The following DGKI variants were observed in gnomAD, a reference collection of about 807,000 sequenced individuals.
DGKI encodes DAG kinase iota.
Under a neutral mutation model 147.5 loss-of-function variants are expected in DGKI, and 55 were observed. The ratio of observed to expected loss-of-function variants is 0.37; its 90% CI spans 0.30 to 0.47. The LOEUF is 0.47. Among genes scored for constraint, DGKI ranks in the 20% least tolerant of loss-of-function variants. DGKI has a pLI of 1.00. For missense variants in DGKI, 1,007 were observed against 1,323.8 expected, an observed-to-expected ratio of 0.76 and a Z score of 3.71; for synonymous variants, 469 against 477.1, an observed-to-expected ratio of 0.98 and a Z score of 0.22.
rs1813538179 is a variant in DGKI, at chr7:137,442,230, A to G, written c.2761+1847T>C. Among the ~76,000 whole-genome samples the G allele has an allele frequency of 2.0e-5, 3 of 152,286 alleles. No individual in the cohort carries two copies. In the South Asian group the frequency reaches 6.2e-4, roughly 32 times the overall value. The stretch of plus-strand genomic sequence containing the variant: ...AATGTTTCTTCAACTAATCACATAT[A>G]AGGTTCTTAAAATAATCAATTCTGA... On this transcript the variant is annotated intron_variant, in intron 28 of 32. Coordinates refer to ENST00000614521, the MANE Select transcript of DGKI (RefSeq NM_001321708.2).
At chr7:137,841,577 C>T (rs578132232) in intron 1 of DGKI, among the ~76,000 whole-genome samples, 1 of 152,332 alleles carries the variant, frequency 6.6e-6, no homozygotes, top group Non-Finnish European at 1.5e-5. Flanking sequence ...GTGTTACCAA[C>T]ACATACCCAT....
At chr7:137,688,249 T>C (rs531257753) in intron 2 of DGKI, among the ~76,000 whole-genome samples, 6 of 152,166 alleles carry the variant, frequency 3.9e-5, no homozygotes, top group Non-Finnish European at 5.9e-5. Flanking sequence ...CTTCTTCACC[T>C]CAGAATCCCA....
rs749387069 is a variant in DGKI, at chr7:137,395,661, C to T, written c.2994G>A (p.Arg998=). ...CCAGAAGCTGGCACACAGCCCGGTT[C>T]CGCTGGCAGGCAGCCTTGTGCAGTG... ...ETALHKAACQ[R]NRAVCQLLVD... is the part of the protein sequence containing the mutation. Residue 998 remains arginine (R), a synonymous_variant, in exon 32 of 33, where the codon CGG becomes CGA. Transcript: ENST00000614521. The T allele has an allele frequency of 6.2e-7, 1 of 1,614,150 alleles. No individual in the cohort carries two copies. Among genetic ancestry groups the T allele is most frequent in the Non-Finnish European group, 8.5e-7 (1 of 1,179,994 alleles).
intron 28 of DGKI, among the ~76,000 whole-genome samples, chr7:137,432,768 T>C (rs1008639956): frequency 6.6e-6 from 1 of 152,180 alleles, no homozygotes; most frequent in Non-Finnish European, 1.5e-5. Flanking sequence ...TCTGGTTGTA[T>C]AGACTGTCAA....
At chr7:137,685,079 C>A (rs1823371590) in intron 2 of DGKI, among the ~76,000 whole-genome samples, 1 of 152,146 alleles carries the variant, frequency 6.6e-6, no homozygotes, top group South Asian at 2.1e-4. Context: ...TGTCCCTGAA[C>A]CAAACTGTGA....
intron 19 of DGKI, among the ~76,000 whole-genome samples, chr7:137,562,509 T>G (rs993731589): frequency 3.4e-4 from 51 of 152,178 alleles, no homozygotes; most frequent in African/African-American, 1.2e-3. Context: ...CACTCCAGTC[T>G]GGGCAACAAG....
At chr7:137,629,653 G>A (rs367611259) in intron 6 of DGKI, among the ~76,000 whole-genome samples, 5 of 152,176 alleles carry the variant, frequency 3.3e-5, no homozygotes, top group African/African-American at 9.6e-5. Context: ...ACTGACTTAC[G>A]GACTATATCT....
At chr7:137,635,444 T>A (rs942680774) in intron 6 of DGKI, among the ~76,000 whole-genome samples, 7 of 152,186 alleles carry the variant, frequency 4.6e-5, no homozygotes, top group African/African-American at 1.4e-4. Flanking sequence ...ATATTCAGGA[T>A]ATGGGCTTAC....
intron 20 of DGKI, among the ~76,000 whole-genome samples, chr7:137,541,297 G>A (rs753775856): frequency 3.3e-5 from 5 of 152,092 alleles, no homozygotes; most frequent in Non-Finnish European, 5.9e-5. Context: ...CCATTTCTGT[G>A]GGTTCTACAT....
chr7:137,753,196 A>C (rs767656291), intron 1 of DGKI, among the ~76,000 whole-genome samples: 15 of 152,200 alleles, frequency 9.9e-5, no homozygotes, highest in Non-Finnish European at 1.8e-4. Context: ...GAAGATGAGA[A>C]AGGAAAAGCA....
intron 19 of DGKI, among the ~76,000 whole-genome samples, chr7:137,567,277 A>C (rs73169840): frequency 6.6e-6 from 1 of 151,932 alleles, no homozygotes; most frequent in East Asian, 1.9e-4. Context: ...AAAAAAAAAA[A>C]AGAGAATTAG....
intron 28 of DGKI, among the ~76,000 whole-genome samples, chr7:137,431,389 T>C (rs1813066288): frequency 1.3e-5 from 2 of 152,186 alleles, no homozygotes; most frequent in South Asian, 2.1e-4. Context: ...GCACTTTGCA[T>C]TGTCAGGAGA....
intron 6 of DGKI, among the ~76,000 whole-genome samples, chr7:137,633,628 AACCAAAG>A (rs1472256886): frequency 6.6e-6 from 1 of 152,182 alleles, no homozygotes; most frequent in African/African-American, 2.4e-5. Context: ...GATCCCATAA[AACCAAAG>A]ACTGGAGAAT....
chr7:137,746,330 G>T (rs1795329350), intron 1 of DGKI, among the ~76,000 whole-genome samples: 1 of 152,166 alleles, frequency 6.6e-6, no homozygotes, highest in South Asian at 2.1e-4. Context: ...TGGAAGAAAA[G>T]TCACATGAAG....
chr7:137,752,645 A>G (rs936940979), intron 1 of DGKI, among the ~76,000 whole-genome samples: 1 of 152,124 alleles, frequency 6.6e-6, no homozygotes, highest in African/African-American at 2.4e-5. Context: ...GTTCTGTTCC[A>G]TTCTGATTAC....
chr7:137,577,233 C>T lies in DGKI; in HGVS notation c.1750G>A (p.Val584Ile). The change falls in exon 17 of 33, where the codon GTT becomes ATT. Residue 584 changes from valine (V) to isoleucine (I), a missense_variant. By Grantham distance (29) the Val-to-Ile change is conservative. Around this residue, in one of 5 missense-constraint regions of DGKI, gnomAD observed 224 missense variants for 382.7 expected, o/e 0.59. Transcript: ENST00000614521. ...TATTCAATACTTACAACAACTTTAA[C>T]ATGTTTGGATAGATCTCTAGAACTT... is the stretch of plus-strand genomic sequence containing the variant. ...QRSSRDLSKH[V>I]KVVCDGTDLT... The T allele has an allele frequency of 1.3e-6, 2 of 1,595,634 alleles. No homozygotes were observed. The highest frequency in any genetic ancestry group is 1.7e-6 in the Non-Finnish European group (2 of 1,167,488).
chr7:137,586,610 TG>T (rs1819408771), intron 13 of DGKI, among the ~76,000 whole-genome samples: 1 of 151,972 alleles, frequency 6.6e-6, no homozygotes, highest in Non-Finnish European at 1.5e-5. Flanking sequence ...GGCTTCATTG[TG>T]GAAAGGACAG....
intron 5 of DGKI, among the ~76,000 whole-genome samples, chr7:137,647,331 A>C (rs1228884333): frequency 1.3e-5 from 2 of 152,178 alleles, no homozygotes; most frequent in African/African-American, 4.8e-5. Context: ...CCTCCCTTGC[A>C]TCACCTCAAC....
chr7:137,485,520 C>T (rs1469927188), intron 22 of DGKI, 102 bp from the exon 23 acceptor site: 1 of 874,492 alleles, frequency 1.1e-6, no homozygotes, highest in Non-Finnish European at 1.8e-6. Context: ...TATTACTATG[C>T]TCATCTGGAA....
Sources: gnomAD v4.1 joint callset for allele counts (sites outside exome capture counted in the v4.1 genomes callset) on GRCh38, gnomAD v4.1.1 for gene constraint, gnomAD v4.1.1 regional missense constraint, MANE v1.5 for transcripts, NCBI Gene and HGNC (gene_info 2026-07-23, HGNC 2026-07-21) for gene names.